Variants in TPD52 observed in about 807,000 individuals in gnomAD.
TPD52 encodes tumor protein D52.
Under a neutral mutation model 31.3 loss-of-function variants are expected in TPD52, and 17 were observed. The ratio of observed to expected loss-of-function variants is 0.54; its 90% CI spans 0.37 to 0.82. The LOEUF (loss-of-function observed/expected upper bound fraction) is 0.82. Ranked by LOEUF, TPD52 falls within the 40% of genes least tolerant of loss-of-function variation. The probability of loss-of-function intolerance (pLI) is 0.00; values close to 1 mark genes in which losing one functional copy is unlikely to be tolerated. For missense variants in TPD52, 212 were observed against 240.1 expected, an observed-to-expected ratio of 0.88 and a Z score of 0.77; for synonymous variants, 83 against 89.6, an observed-to-expected ratio of 0.93 and a Z score of 0.42.
intron 1 of TPD52, among the ~76,000 whole-genome samples, chr8:80,153,732 A>C (rs1044212469): frequency 4.6e-5 from 7 of 152,164 alleles, no homozygotes; most frequent in African/African-American, 1.7e-4. Context: ...GATCTTGGGG[A>C]GGTCCTTAAT....
intron 1 of TPD52, among the ~76,000 whole-genome samples, chr8:80,074,265 TAA>T (rs1776689629): frequency 6.6e-6 from 1 of 152,182 alleles, no homozygotes; most frequent in African/African-American, 2.4e-5. Context: ...CCTAGAGGCA[TAA>T]AAAGAGATTT....
intron 1 of TPD52, among the ~76,000 whole-genome samples, chr8:80,155,864 C>G (rs1027429289): frequency 1.3e-4 from 18 of 133,672 alleles, no homozygotes; most frequent in African/African-American, 5.2e-4. Context: ...GCCTGGACAA[C>G]AAGAGGAAAA....
chr8:80,051,104 T>C (rs1233031480), intron 4 of TPD52: 1 of 181,264 alleles, frequency 5.5e-6, no homozygotes, highest in African/African-American at 2.4e-5. Context: ...ATGAGCATGT[T>C]GTAATCACAC....
intron 1 of TPD52, among the ~76,000 whole-genome samples, chr8:80,154,745 AC>A (rs372189420): frequency 0.12 from 8,472 of 68,232 alleles, 862 homozygotes; most frequent in African/African-American, 0.27. Context: ...ACACACACAC[AC>A]ACACACAAAA....
intron 1 of TPD52, among the ~76,000 whole-genome samples, chr8:80,122,147 T>C (rs1466071108): frequency 6.6e-6 from 1 of 152,134 alleles, no homozygotes; most frequent in Non-Finnish European, 1.5e-5. Flanking sequence ...GAACAAGGAA[T>C]CAGGTCTTAC....
chr8:80,069,960 C>T (rs75639543), intron 1 of TPD52, among the ~76,000 whole-genome samples: 6,241 of 152,236 alleles, frequency 0.041, 436 homozygotes, highest in African/African-American at 0.14. Context: ...ATCTCTCCAT[C>T]TCAGAACTCA....
intron 1 of TPD52, among the ~76,000 whole-genome samples, chr8:80,168,798 CAA>C (rs764904158): frequency 1.3e-4 from 20 of 152,188 alleles, no homozygotes; most frequent in Non-Finnish European, 1.9e-4. Flanking sequence ...AAGTGGGAAA[CAA>C]GAGATGGATT....
intron 1 of TPD52, among the ~76,000 whole-genome samples, chr8:80,083,193 C>CAA (rs11367625): frequency 6.8e-6 from 1 of 146,990 alleles, no homozygotes; most frequent in Admixed American, 6.8e-5. Context: ...ATATACTGTG[C>CAA]AAAAAAAAAA....
chr8:80,053,308 C>G lies in TPD52; in HGVS notation c.258G>C (p.Gly86=), dbSNP rs1476403303. 1.9e-6 allele frequency: 3 copies of G among 1,613,600 alleles called. No individual in the cohort carries two copies. In the South Asian group the frequency reaches 3.3e-5, roughly 18 times the overall value. ...CAGATGTTGCTGTCACGTCTTGCCA[C>G]CCTTTGGCAATGTTCTGTTTTAGTT... is the stretch of plus-strand genomic sequence containing the variant. ...LQELKQNIAK[G]WQDVTATSAY... The change falls in exon 3 of 8, where the codon GGG becomes GGC. Residue 86 remains glycine, a synonymous_variant. Coordinates refer to ENST00000518937, the MANE Select transcript of TPD52 (RefSeq NM_001025253.3).
chr8:80,050,777 G>T (rs923106215), intron 4 of TPD52, among the ~76,000 whole-genome samples: 1 of 152,050 alleles, frequency 6.6e-6, no homozygotes, highest in African/African-American at 2.4e-5. Context: ...AGAAATTCTG[G>T]TTGTAAGATA....
Position 80,080,936 on chromosome 8 carries a change from G to T in TPD52, c.20-16343C>A, listed in dbSNP as rs1262668102. 4 of 192,950 alleles carry T rather than the reference G, an allele frequency of 2.1e-5. No individual in the cohort carries two copies. The East Asian group carries it at 7.5e-4, about 36-fold the overall frequency. 12.0% of individuals were successfully genotyped at this position (192,950 alleles called of 1,614,324 possible). A position where few individuals can be genotyped will look rare whatever the true frequency, so the allele number is the denominator to read the frequency against. ...GACTTAATCTTCTAGGACAAGGAGG[G>T]ATTACCAGTCAGTAATCTCCCACAA... On this transcript the variant is annotated intron_variant, in intron 1 of 7. Coordinates refer to ENST00000518937, the MANE Select transcript of TPD52 (RefSeq NM_001025253.3).
At chr8:80,139,278 C>T (rs1170559387) in intron 1 of TPD52, among the ~76,000 whole-genome samples, 2 of 152,042 alleles carry the variant, frequency 1.3e-5, no homozygotes, top group Non-Finnish European at 1.5e-5. Context: ...CTATAAAATC[C>T]ACTATTTTTT....
chr8:80,123,377 C>G (rs1052069608), intron 1 of TPD52, among the ~76,000 whole-genome samples: 2 of 152,120 alleles, frequency 1.3e-5, no homozygotes, highest in African/African-American at 2.4e-5. Context: ...AAATGACTCT[C>G]AAGACAAGGT....
At chr8:80,153,697 G>T (rs969574890) in intron 1 of TPD52, among the ~76,000 whole-genome samples, 3 of 152,202 alleles carry the variant, frequency 2.0e-5, no homozygotes, top group Non-Finnish European at 2.9e-5. Flanking sequence ...TGGAGAGTCA[G>T]TAAAATATTG....
At chr8:80,060,549 A>G (rs1315973610) in intron 2 of TPD52, among the ~76,000 whole-genome samples, 2 of 151,374 alleles carry the variant, frequency 1.3e-5, no homozygotes, top group South Asian at 4.1e-4. Context: ...CCAGAGAATG[A>G]TATCACAAGA....
chr8:80,142,537 G>A (rs1368960056), intron 1 of TPD52, among the ~76,000 whole-genome samples: 2 of 152,164 alleles, frequency 1.3e-5, no homozygotes, highest in Non-Finnish European at 2.9e-5. Context: ...TTCGAGACCA[G>A]CCTGAAGTAC....
intron 1 of TPD52, among the ~76,000 whole-genome samples, chr8:80,137,165 A>T (rs1029502339): frequency 6.6e-5 from 10 of 152,234 alleles, no homozygotes; most frequent in Admixed American, 3.9e-4. Context: ...TAATAAAATC[A>T]ATCTATAGAA....
At chr8:80,082,368 G>A (rs1586260478) in intron 1 of TPD52, among the ~76,000 whole-genome samples, 2 of 152,066 alleles carry the variant, frequency 1.3e-5, no homozygotes, top group African/African-American at 2.4e-5. Context: ...TGAGGTCCCT[G>A]GCCCTCTCCA....
rs1200403897 is a variant in TPD52 at position 80,162,329 on chromosome 8, T to C, written c.19+9096A>G. 4.0e-5 allele frequency among the ~76,000 whole-genome samples: 6 copies of C among 151,872 alleles called. No homozygotes were observed. In the East Asian group the frequency reaches 1.2e-3, roughly 29 times the overall value. On this transcript the variant is annotated intron_variant, in intron 1 of 7. Transcript: ENST00000518937. ...AAAATGATAAGCAAAATAGAAAAAG[T>C]AAATACTTGCCAAGGAGGGAAGGTG...
Sources: allele counts gnomAD v4.1 joint callset (sites outside exome capture counted in the v4.1 genomes callset), GRCh38; gene constraint gnomAD v4.1.1; transcripts MANE v1.5; gene names NCBI Gene and HGNC (gene_info 2026-07-23, HGNC 2026-07-21).